Variants in BLTP1 observed in about 807,000 individuals in gnomAD.
The protein encoded by BLTP1 is bridge-like lipid transfer protein family member 1, also known as fragile site-associated protein.
the BLTP1 span, chr4:122,199,442 A>G: frequency 6.2e-7 from 1 of 1,612,964 alleles, no homozygotes; most frequent in Non-Finnish European, 8.5e-7. Context: ...AGAAGCAGAA[A>G]TGTTAGCAGT....
At chr4:122,214,548 A>C in the BLTP1 span, 1 of 954,258 alleles carries the variant, frequency 1.0e-6, no homozygotes, top group Non-Finnish European at 1.2e-6. Context: ...GTTTGCCGTA[A>C]TGTATTACCA....
the BLTP1 span, among the ~76,000 whole-genome samples, chr4:122,232,637 C>T: frequency 6.6e-6 from 1 of 152,002 alleles, no homozygotes; most frequent in African/African-American, 2.4e-5. Context: ...CATAAAGCCC[C>T]ATCATGATGA....
the BLTP1 span, chr4:122,263,256 T>C: frequency 0.64 from 626,283 of 983,374 alleles, 200,135 homozygotes; most frequent in Middle Eastern, 0.78. Flanking sequence ...GAATTTCCCC[T>C]GTTATAATAA....
At chr4:122,166,727 G>C in the BLTP1 span, among the ~76,000 whole-genome samples, 3 of 152,130 alleles carry the variant, frequency 2.0e-5, no homozygotes, top group African/African-American at 7.2e-5. Context: ...TCTTCCATTT[G>C]TTTGTATCCT....
the BLTP1 span, chr4:122,251,298 A>G: frequency 1.6e-4 from 159 of 981,002 alleles, no homozygotes; most frequent in Non-Finnish European, 1.8e-4. Flanking sequence ...GTATGTACAT[A>G]TATTTCTGAT....
chr4:122,176,305 A>T, the BLTP1 span, among the ~76,000 whole-genome samples: 1 of 152,056 alleles, frequency 6.6e-6, no homozygotes, highest in Admixed American at 6.5e-5. Context: ...TCTGTCTCAA[A>T]AAAAAAAGAA....
chr4:122,268,188 TAAA>T, the BLTP1 span, among the ~76,000 whole-genome samples: 2 of 151,730 alleles, frequency 1.3e-5, no homozygotes, highest in Admixed American at 6.6e-5. Context: ...TATAGGGAAA[TAAA>T]AAAAAGTAAA....
the BLTP1 span, among the ~76,000 whole-genome samples, chr4:122,352,348 G>A: frequency 1.4e-5 from 2 of 146,402 alleles, no homozygotes; most frequent in African/African-American, 5.1e-5. Context: ...ATTAGGTTTT[G>A]GTTTTTCTTT....
the BLTP1 span, chr4:122,250,621 CAAAG>C: frequency 1.8e-5 from 28 of 1,551,662 alleles, no homozygotes; most frequent in African/African-American, 6.8e-5. Flanking sequence ...AGAAAAATAA[CAAAG>C]AAAACTACAT....
chr4:122,246,337 GAGA>G, the BLTP1 span: 1 of 1,474,188 alleles, frequency 6.8e-7, no homozygotes, highest in Non-Finnish European at 9.1e-7. Flanking sequence ...CCTGAAAGAG[GAGA>G]GCATTTTGAT....
At chr4:122,267,051 A>ATTTTGTT in the BLTP1 span, 1 of 148,926 alleles carries the variant, frequency 6.7e-6, no homozygotes, top group Non-Finnish European at 1.2e-5. Flanking sequence ...TAAGGAAGTA[A>ATTTTGTT]TTTTTTTTTT....
At chr4:122,253,136 A>G in the BLTP1 span, among the ~76,000 whole-genome samples, 2 of 152,212 alleles carry the variant, frequency 1.3e-5, no homozygotes, top group Non-Finnish European at 2.9e-5. Flanking sequence ...CCAGAAACTT[A>G]TAACACCCAA....
chr4:122,224,552 C>A, the BLTP1 span: 1 of 1,613,978 alleles, frequency 6.2e-7, no homozygotes, highest in Admixed American at 1.7e-5. Context: ...TTTGTCAGGT[C>A]TCCAGCTGAG....
chr4:122,170,828 G>A, the BLTP1 span: 4 of 786,300 alleles, frequency 5.1e-6, no homozygotes, highest in Non-Finnish European at 6.0e-6. Context: ...GTTGACTGAA[G>A]TTGGAACACT....
the BLTP1 span, chr4:122,234,895 A>G: frequency 6.2e-7 from 1 of 1,613,872 alleles, no homozygotes; most frequent in Non-Finnish European, 8.5e-7. Flanking sequence ...TTCAAACTTG[A>G]AGAGTTGACA....
the BLTP1 span, chr4:122,196,751 T>C: frequency 6.2e-7 from 1 of 1,607,402 alleles, no homozygotes; most frequent in Non-Finnish European, 8.5e-7. Context: ...ATGAATATTA[T>C]TGCAGATGCT....
the BLTP1 span, chr4:122,256,796 A>G: frequency 2.0e-6 from 1 of 502,878 alleles, no homozygotes; most frequent in Non-Finnish European, 2.6e-6. Flanking sequence ...CATACTACAT[A>G]AGTTATAGTA....
the BLTP1 span, chr4:122,240,223 A>G: frequency 2.5e-6 from 4 of 1,614,022 alleles, no homozygotes; most frequent in African/African-American, 4.0e-5. Context: ...CAGGTAATTA[A>G]TTGGTCAGTT....
chr4:122,332,712 T>C, the BLTP1 span, among the ~76,000 whole-genome samples: 1 of 144,430 alleles, frequency 6.9e-6, no homozygotes, highest in South Asian at 2.3e-4. Context: ...ACATGTGCCA[T>C]GCTGGTGTGC....
Sources: allele counts gnomAD v4.1 joint callset (sites outside exome capture counted in the v4.1 genomes callset), GRCh38; gene constraint gnomAD v4.1.1; transcripts MANE v1.5; gene names NCBI Gene and HGNC (gene_info 2026-07-23, HGNC 2026-07-21).